Variants in LRP3 observed in about 807,000 individuals in gnomAD.
LRP3 encodes the protein LDL receptor related protein 3.
A neutral mutation model predicts 58.5 loss-of-function variants in LRP3; 49 were observed. The ratio of observed to expected loss-of-function variants is 0.84; its 90% CI spans 0.67 to 1.06. The LOEUF (loss-of-function observed/expected upper bound fraction) is 1.06, where lower values mean the gene tolerates loss of function less well. LRP3 is among the 50% of genes least tolerant of loss of function. The pLI is 0.00. For synonymous variants in LRP3, 485 were observed against 492.2 expected (o/e 0.99, Z 0.20); for missense variants, 1,019 against 1,134.2 (o/e 0.90, Z 1.46).
chr19:33,200,839 C>G (rs1255210355), intron 2 of LRP3, among the ~76,000 whole-genome samples: 1 of 152,164 alleles, frequency 6.6e-6, no homozygotes, highest in Non-Finnish European at 1.5e-5. Context: ...ACCTCACTGA[C>G]CTGGGACTGT....
chr19:33,207,063 C>T lies in LRP3; in HGVS notation c.1801C>T (p.Arg601Cys), dbSNP rs750286825. Residue 601 changes from arginine to cysteine, a missense_variant, in exon 7 of 7, where the codon CGC (arginine) becomes TGC (cysteine). By Grantham distance (180) the Arg-to-Cys change is radical. Coordinates refer to ENST00000253193, the MANE Select transcript of LRP3 (RefSeq NM_002333.4). ...GCACGCCTCCCGCCGGGGGCCCTCC[C>T]GCCGCCGCCTCGGCCGCCTCTGGAA... Reference protein sequence around the residue: ...RRHASRRGPSRRRLGRLWNRL... With the variant: ...RRHASRRGPSCRRLGRLWNRL... The T allele has an allele frequency of 3.6e-5, 53 of 1,490,706 alleles. No homozygotes were observed. Among genetic ancestry groups the T allele is most frequent in the East Asian group, 1.3e-4 (5 of 39,808 alleles). 92.3% of individuals were successfully genotyped at this position (1,490,706 alleles called of 1,614,324 possible). A position where few individuals can be genotyped will look rare whatever the true frequency, so the allele number is the denominator to read the frequency against.
chr19:33,200,024 C>G (rs1107921), intron 2 of LRP3, among the ~76,000 whole-genome samples: 6,938 of 152,222 alleles, frequency 0.046, 183 homozygotes, highest in South Asian at 0.099. Context: ...GACAGGGGAC[C>G]TCACAGGTTT....
chr19:33,208,827 C>T lies in LRP3; in HGVS notation c.*1252C>T. ...AAAAAAACAAAACAAAACTTTTTTG[C>T]CAAAACACCTCCTCAATAAACAACA... On this transcript the variant is annotated 3_prime_UTR_variant, in exon 7 of 7. Coordinates refer to ENST00000253193, the MANE Select transcript of LRP3 (RefSeq NM_002333.4). This position sits in a 1 kb window ranked among gnomAD's most constrained non-coding sequence, Gnocchi z 4.7. 1 of 1,603,200 alleles carries T rather than the reference C, an allele frequency of 6.2e-7. No homozygotes were observed. The highest frequency in any genetic ancestry group is 1.3e-5 in the African/African-American group (1 of 74,498).
chr19:33,206,269 C>A lies in LRP3; in HGVS notation c.1499C>A (p.Ala500Glu). 6.3e-7 allele frequency: 1 copy of A among 1,598,008 alleles called. No individual in the cohort carries two copies. The highest frequency in any genetic ancestry group is 8.5e-7 in the Non-Finnish European group (1 of 1,172,092). ...LAAVPRKVIT[A>E]ALIGSLVCGL... is the part of the protein sequence containing the mutation. ...GCCGTGCCCCGCAAGGTCATCACGGCGGCGCTCATTGGCAGCCTGGTGTGT... is the reference window on the plus strand; with the variant it reads ...GCCGTGCCCCGCAAGGTCATCACGGAGGCGCTCATTGGCAGCCTGGTGTGT... The change falls in exon 5 of 7, where the codon GCG (alanine) becomes GAG (glutamate). Residue 500 changes from alanine (A) to glutamate (E), a missense_variant. Ala to Glu is a moderately radical substitution (Grantham distance 107, BLOSUM62 -1). Around this residue, in one of 2 missense-constraint regions of LRP3, gnomAD observed 427 missense variants for 408.6 expected, o/e 1.04. Transcript: ENST00000253193.
In LRP3 at chr19:33,204,714, C is replaced by G; in HGVS notation, c.337C>G (p.Arg113Gly). ...CCTGCTGGGCCCAGCAGCCCCACCC[C>G]GCCAGGAGGCCTTCCGCCTCTGTGG... ...WLLLGPAAPP[R>G]QEAFRLCGSA... The change falls in exon 4 of 7, where the codon CGC becomes GGC. Residue 113 changes from arginine (R) to glycine (G), a missense_variant. Physicochemically the swap from Arg to Gly is moderately radical, Grantham distance 125. Transcript: ENST00000253193. 6.2e-7 allele frequency: 1 copy of G among 1,610,796 alleles called. No individual in the cohort carries two copies. Among genetic ancestry groups the G allele is most frequent in the Non-Finnish European group, 8.5e-7 (1 of 1,179,944 alleles).
intron 4 of LRP3, 68 bp from the exon 5 acceptor site, chr19:33,205,178 C>G: frequency 6.5e-7 from 1 of 1,532,608 alleles, no homozygotes; most frequent in Non-Finnish European, 8.8e-7. Context: ...CTTTTGGCCC[C>G]AGGCCCCCTG....
chr19:33,204,824 C>T lies in LRP3; in HGVS notation c.447C>T (p.Ala149=). 1 of 1,613,532 alleles carries T rather than the reference C, an allele frequency of 6.2e-7. No individual in the cohort carries two copies. The highest frequency in any genetic ancestry group is 8.5e-7 in the Non-Finnish European group (1 of 1,179,972). The change falls in exon 4 of 7, where the codon GCC becomes GCT. Residue 149 remains alanine, a synonymous_variant. Coordinates refer to ENST00000253193, the MANE Select transcript of LRP3 (RefSeq NM_002333.4). The stretch of plus-strand genomic sequence containing the variant: ...CAGACGCCTCCAGCTCCGGCCAGGC[C>T]CAGGGCTTCCGTCTGTCTTACATCC... ...FHSDASSSGQ[A]QGFRLSYIRG...
chr19:33,207,549 G>T lies in LRP3; in HGVS notation c.2287G>T (p.Asp763Tyr). ...PPCSPMLEAS[D>Y]DEALLVC ...CTGCTCCCCAATGCTGGAGGCCAGC[G>T]ATGATGAGGCCCTGTTGGTCTGTTG... Residue 763 changes from aspartate to tyrosine, a missense_variant, in exon 7 of 7, where the codon GAT (aspartate) becomes TAT (tyrosine). By Grantham distance (160) the Asp-to-Tyr change is radical. Transcript: ENST00000253193. 5 of 1,604,812 alleles carry T rather than the reference G, an allele frequency of 3.1e-6. No individual in the cohort carries two copies. Among genetic ancestry groups the T allele is most frequent in the Non-Finnish European group, 4.2e-6 (5 of 1,179,542 alleles).
rs183721349 is a variant in LRP3, at chr19:33,206,539, T to C, written c.1593-62T>C. The stretch of plus-strand genomic sequence containing the variant: ...GTGGAGGGTCGTCCTGGAATCCTGT[T>C]GTTGTTCCTGCTGCAGGTCCCGGGC... On this transcript the variant is annotated intron_variant, in intron 5 of 6. Coordinates refer to ENST00000253193, the MANE Select transcript of LRP3 (RefSeq NM_002333.4). 2,442 of 1,590,092 alleles carry C rather than the reference T, an allele frequency of 1.5e-3. 3 individuals are homozygous for C. Among genetic ancestry groups the C allele is most frequent in the African/African-American group, 0.011 (848 of 74,444 alleles).
intron 2 of LRP3, among the ~76,000 whole-genome samples, chr19:33,197,471 C>A (rs1974297332): frequency 6.6e-6 from 1 of 152,132 alleles, no homozygotes; most frequent in African/African-American, 2.4e-5. Context: ...CAAAAAAAAT[C>A]TGAAAATTAG....
At chr19:33,206,791 A>C (rs1974418866) in intron 6 of LRP3, 58 bp downstream of exon 6, 1 of 1,472,460 alleles carries the variant, frequency 6.8e-7, no homozygotes, top group Non-Finnish European at 9.0e-7. Flanking sequence ...TGTGCGGAGG[A>C]GGCTGGTCCA....
intron 3 of LRP3, chr19:33,204,256 T>G (rs1198796402): frequency 3.9e-6 from 1 of 256,816 alleles, no homozygotes; most frequent in African/African-American, 2.2e-5. Flanking sequence ...GGTGGAGGGT[T>G]CTGGGCCCTT....
Position 33,208,182 on chromosome 19 carries a change from G to T in LRP3, c.*607G>T. On this transcript the variant is annotated 3_prime_UTR_variant, in exon 7 of 7. Transcript: ENST00000253193. The surrounding 1 kb of genome is among the most constrained non-coding windows in gnomAD (Gnocchi z 4.7). ...ATGAAGCCCCTGGAGTTCCCTGCAG[G>T]CCTCAAAGCCCCCAGGACATGCTGC... 6.2e-6 allele frequency: 1 copy of T among 160,190 alleles called. No homozygotes were observed. The highest frequency in any genetic ancestry group is 1.4e-5 in the Non-Finnish European group (1 of 72,430). 9.9% of individuals were successfully genotyped at this position (160,190 alleles called of 1,614,324 possible).
At position 33,208,607 on chromosome 19, in the gene LRP3, G is replaced by A. The variant is rs111815562; in HGVS notation, c.*1032G>A. On this transcript the variant is annotated 3_prime_UTR_variant, in exon 7 of 7. Transcript: ENST00000253193. The surrounding 1 kb of genome is among the most constrained non-coding windows in gnomAD (Gnocchi z 4.7). The stretch of plus-strand genomic sequence containing the variant: ...GGCCAGCAACATGTGTGCACCCACC[G>A]AGGTACGCCCCAGCCACTCCCATCT... 7.3e-5 allele frequency: 36 copies of A among 494,050 alleles called. No individual in the cohort carries two copies. The highest frequency in any genetic ancestry group is 4.9e-4 in the African/African-American group (25 of 51,524). The allele number at this position is 494,050 out of a possible 1,614,324, so 30.6% of individuals were successfully genotyped here. A position where few individuals can be genotyped will look rare whatever the true frequency, so the allele number is the denominator to read the frequency against.
In LRP3 at chr19:33,208,674, C is replaced by T; in HGVS notation, c.*1099C>T. The T allele has an allele frequency of 1.6e-6, 1 of 627,698 alleles. No individual in the cohort carries two copies. Among genetic ancestry groups the T allele is most frequent in the Non-Finnish European group, 2.7e-6 (1 of 365,250 alleles). 38.9% of individuals were successfully genotyped at this position (627,698 alleles called of 1,614,324 possible). A position where few individuals can be genotyped will look rare whatever the true frequency, so the allele number is the denominator to read the frequency against. ...CCCCATAGCACGAGCGAACAGCCAG[C>T]CCTGTTTATTTATAGGCCTTTTCAG... On this transcript the variant is annotated 3_prime_UTR_variant, in exon 7 of 7. Coordinates refer to ENST00000253193, the MANE Select transcript of LRP3 (RefSeq NM_002333.4). The surrounding 1 kb of genome is among the most constrained non-coding windows in gnomAD (Gnocchi z 4.7).
chr19:33,199,446 C>G (rs1974318795), intron 2 of LRP3, among the ~76,000 whole-genome samples: 1 of 150,720 alleles, frequency 6.6e-6, no homozygotes, highest in African/African-American at 2.4e-5. Context: ...GCACTCCAGC[C>G]TGGGAGACAG....
In LRP3 at chr19:33,207,060, T is replaced by C; in HGVS notation, c.1798T>C (p.Ser600Pro). ...MRRHASRRGPSRRRLGRLWNR... is the reference protein window; with the variant it reads ...MRRHASRRGPPRRRLGRLWNR... ...TCGGCACGCCTCCCGCCGGGGGCCC[T>C]CCCGCCGCCGCCTCGGCCGCCTCTG... The change falls in exon 7 of 7, where the codon TCC (serine) becomes CCC (proline). Residue 600 changes from serine to proline, a missense_variant. Physicochemically the swap from Ser to Pro is moderately conservative, Grantham distance 74 (BLOSUM62 -1). Transcript: ENST00000253193. 6.7e-7 allele frequency: 1 copy of C among 1,487,600 alleles called. No individual in the cohort carries two copies. Among genetic ancestry groups the C allele is most frequent in the African/African-American group, 1.4e-5 (1 of 69,584 alleles). The allele number at this position is 1,487,600 out of a possible 1,614,324, so 92.2% of individuals were successfully genotyped here.
chr19:33,202,524 C>T (rs538139882), intron 2 of LRP3, among the ~76,000 whole-genome samples: 3 of 152,304 alleles, frequency 2.0e-5, no homozygotes, highest in Non-Finnish European at 2.9e-5. Flanking sequence ...CGAGGCTACA[C>T]CTTGGAGGTG....
rs189988933 is a variant in LRP3 at position 33,207,353 on chromosome 19, C to G, written c.2091C>G (p.Asp697Glu). 185 of 1,586,218 alleles carry G rather than the reference C, an allele frequency of 1.2e-4. No homozygotes were observed. Among genetic ancestry groups the G allele is most frequent in the Admixed American group, 3.0e-4 (17 of 57,124 alleles). ...GLRDPECRPV[D>E]KDRKVCREPL... The stretch of plus-strand genomic sequence containing the variant: ...GAGACCCAGAGTGCAGGCCCGTGGA[C>G]AAGGACAGAAAGGTCTGCAGGGAGC... Residue 697 changes from aspartate to glutamate, a missense_variant, in exon 7 of 7, where the codon GAC (aspartate) becomes GAG (glutamate). Transcript: ENST00000253193.
Sources: gnomAD v4.1 joint callset for allele counts (sites outside exome capture counted in the v4.1 genomes callset) on GRCh38, gnomAD v4.1.1 for gene constraint, gnomAD v4.1.1 regional missense constraint, Gnocchi (gnomAD v3.1) non-coding constraint, MANE v1.5 for transcripts, NCBI Gene and HGNC (gene_info 2026-07-23, HGNC 2026-07-21) for gene names.